The following CHSY3 variants were observed in gnomAD, a reference collection of about 807,000 sequenced individuals.
The protein encoded by CHSY3 is N-acetylgalactosaminyl-proteoglycan 3-beta-glucuronosyltransferase 3.
Under a neutral mutation model 67.2 loss-of-function variants are expected in CHSY3, and 35 were observed. The ratio of observed to expected loss-of-function variants is 0.52; its 90% CI spans 0.40 to 0.69. CHSY3 has a LOEUF of 0.69. Among genes scored for constraint, CHSY3 ranks in the 30% least tolerant of loss-of-function variants. The probability of loss-of-function intolerance (pLI) is 0.00; values close to 1 mark genes in which losing one functional copy is unlikely to be tolerated. For missense variants in CHSY3, 1,069 were observed against 1,138.5 expected (o/e 0.94, Z 0.88); for synonymous variants, 474 against 434.7 (o/e 1.09, Z -1.12).
At chr5:129,922,907 G>A (rs1315347635) in intron 2 of CHSY3, among the ~76,000 whole-genome samples, 1 of 152,140 alleles carries the variant, frequency 6.6e-6, no homozygotes, top group Non-Finnish European at 1.5e-5. Context: ...AAATCTTTCT[G>A]GATGATTCTA....
rs553311632 is a variant in CHSY3 at position 129,929,651 on chromosome 5, T to TA, written c.1086+21300dup. On this transcript the variant is annotated intron_variant, in intron 2 of 2. Transcript: ENST00000305031. ...CTCAGGAATAGTTAAATAGCAAAAATAAAAAAAAACCACAAACTAGCTACA... is the reference window on the plus strand; with the variant it reads ...CTCAGGAATAGTTAAATAGCAAAAATAAAAAAAAAACCACAAACTAGCTACA... Among the ~76,000 whole-genome samples the TA allele has an allele frequency of 9.3e-4, 141 of 151,422 alleles. 1 individual carries two copies. The South Asian group carries it at 0.014, about 15-fold the overall frequency.
intron 2 of CHSY3, among the ~76,000 whole-genome samples, chr5:130,124,051 A>AG (rs1388609767): frequency 1.3e-3 from 192 of 151,232 alleles, no homozygotes; most frequent in African/African-American, 4.5e-3. Flanking sequence ...AAAAAAAAAA[A>AG]AAAAAAAAAA....
chr5:130,125,452 TAGAC>T (rs1554084513), intron 2 of CHSY3, among the ~76,000 whole-genome samples: 161 of 151,880 alleles, frequency 1.1e-3, no homozygotes, highest in South Asian at 4.0e-3. Flanking sequence ...GATAGATAGA[TAGAC>T]AGACAGACAG....
chr5:130,176,780 G>A (rs1561571189), intron 2 of CHSY3, among the ~76,000 whole-genome samples: 1 of 152,244 alleles, frequency 6.6e-6, no homozygotes, highest in East Asian at 1.9e-4. Flanking sequence ...CTAATAGTGG[G>A]AGTTGAACAA....
chr5:130,095,058 A>G (rs1766999981), intron 2 of CHSY3, among the ~76,000 whole-genome samples: 1 of 152,088 alleles, frequency 6.6e-6, no homozygotes, highest in Admixed American at 6.6e-5. Context: ...TGGATATACT[A>G]AAAAATTGTA....
intron 2 of CHSY3, among the ~76,000 whole-genome samples, chr5:129,920,843 G>A (rs1760898860): frequency 6.6e-6 from 1 of 150,548 alleles, no homozygotes; most frequent in Middle Eastern, 3.2e-3. Context: ...ATTTAAGACT[G>A]TGTTTCACTC....
chr5:130,018,629 T>C (rs1337383596), intron 2 of CHSY3, among the ~76,000 whole-genome samples: 1 of 152,226 alleles, frequency 6.6e-6, no homozygotes, highest in African/African-American at 2.4e-5. Flanking sequence ...TTATATATCT[T>C]AACCATAGGT....
chr5:130,127,510 C>G (rs1194800452), intron 2 of CHSY3, among the ~76,000 whole-genome samples: 1 of 152,160 alleles, frequency 6.6e-6, no homozygotes, highest in South Asian at 2.1e-4. Context: ...TTTAATAATA[C>G]CATAAACGTT....
intron 2 of CHSY3, among the ~76,000 whole-genome samples, chr5:130,070,013 A>G (rs1048548951): frequency 6.6e-6 from 1 of 152,098 alleles, no homozygotes; most frequent in East Asian, 1.9e-4. Context: ...AGATATAGGC[A>G]TATATTTCTA....
chr5:130,077,549 A>G (rs960590157), intron 2 of CHSY3, among the ~76,000 whole-genome samples: 1 of 152,136 alleles, frequency 6.6e-6, no homozygotes, highest in Non-Finnish European at 1.5e-5. Context: ...ATTCTCCACT[A>G]TTCAGGGCAG....
chr5:130,088,465 C>A (rs954588079), intron 2 of CHSY3, among the ~76,000 whole-genome samples: 7 of 151,884 alleles, frequency 4.6e-5, no homozygotes, highest in Non-Finnish European at 5.9e-5. Context: ...AAAATTTTTG[C>A]AACCTACTCA....
At chr5:129,907,615 T>A (rs938782239) in intron 1 of CHSY3, among the ~76,000 whole-genome samples, 2 of 152,210 alleles carry the variant, frequency 1.3e-5, no homozygotes, top group African/African-American at 4.8e-5. Flanking sequence ...GTGCGGGTTG[T>A]ATATGACTGA....
At chr5:130,143,329 A>C (rs1489350665) in intron 2 of CHSY3, among the ~76,000 whole-genome samples, 1 of 152,114 alleles carries the variant, frequency 6.6e-6, no homozygotes, top group Non-Finnish European at 1.5e-5. Context: ...TAGGAAAAAG[A>C]AGCAGACCAT....
At chr5:130,143,643 A>T (rs1768944225) in intron 2 of CHSY3, among the ~76,000 whole-genome samples, 1 of 149,810 alleles carries the variant, frequency 6.7e-6, no homozygotes, top group Admixed American at 6.7e-5. Context: ...ATTGTTGAAC[A>T]TGTCTTTTGG....
intron 2 of CHSY3, among the ~76,000 whole-genome samples, chr5:130,126,428 A>G (rs1768289698): frequency 6.6e-6 from 1 of 152,204 alleles, no homozygotes; most frequent in African/African-American, 2.4e-5. Flanking sequence ...AGACATAATT[A>G]TACTCATGGT....
chr5:129,972,606 T>A (rs547382956), intron 2 of CHSY3, among the ~76,000 whole-genome samples: 3 of 151,880 alleles, frequency 2.0e-5, no homozygotes, highest in African/African-American at 7.3e-5. Context: ...CTCTGCAGTG[T>A]GTGTGTGTGT....
rs200658386 is a variant in CHSY3 at position 130,147,370 on chromosome 5, GC to G, written c.1087-36858del. Among the ~76,000 whole-genome samples the G allele has an allele frequency of 9.3e-3, 1,413 of 152,194 alleles. 26 individuals are homozygous for G. Among genetic ancestry groups the G allele is most frequent in the African/African-American group, 0.033 (1,351 of 41,520 alleles). ...AGGTAGACAATACCACTGCTAATTT[GC>G]ATGGTTGCTTTATGTTAATTAATGC... is the stretch of plus-strand genomic sequence containing the variant. On this transcript the variant is annotated intron_variant, in intron 2 of 2. Coordinates refer to ENST00000305031, the MANE Select transcript of CHSY3 (RefSeq NM_175856.5).
intron 2 of CHSY3, among the ~76,000 whole-genome samples, chr5:130,021,748 G>A (rs1764396542): frequency 1.3e-5 from 2 of 152,100 alleles, no homozygotes; most frequent in Non-Finnish European, 1.5e-5. Context: ...AAATTCGCAT[G>A]TGTGATAAAT....
At chr5:130,032,129 A>T (rs1764720350) in intron 2 of CHSY3, among the ~76,000 whole-genome samples, 1 of 152,146 alleles carries the variant, frequency 6.6e-6, no homozygotes, top group Non-Finnish European at 1.5e-5. Flanking sequence ...ATAAATGCAT[A>T]TGTATGGGTT....
Sources: allele counts gnomAD v4.1 joint callset (sites outside exome capture counted in the v4.1 genomes callset), GRCh38; gene constraint gnomAD v4.1.1; transcripts MANE v1.5; gene names NCBI Gene and HGNC (gene_info 2026-07-23, HGNC 2026-07-21).